DLG2: variants seen among roughly 807,000 people sequenced by gnomAD.
DLG2 encodes discs large MAGUK scaffold protein 2.
DLG2 carries 45 observed loss-of-function variants against 132.5 expected under a neutral mutation model. The ratio of observed to expected loss-of-function variants is 0.34; its 90% CI spans 0.27 to 0.44. The LOEUF (loss-of-function observed/expected upper bound fraction) is 0.44. Ranked by LOEUF, DLG2 falls within the 20% of genes least tolerant of loss-of-function variation. DLG2 has a pLI of 1.00. For synonymous variants in DLG2, 424 were observed against 419.6 expected, an observed-to-expected ratio of 1.01 and a Z score of -0.13; for missense variants, 1,045 against 1,196.9, an observed-to-expected ratio of 0.87 and a Z score of 1.87.
intron 4 of DLG2, among the ~76,000 whole-genome samples, chr11:85,267,104 A>C (rs2077260810): frequency 6.6e-6 from 1 of 152,140 alleles, no homozygotes; most frequent in Admixed American, 6.5e-5. Context: ...TCCCAATGTG[A>C]TGTTATTTAG....
At chr11:85,363,132 T>A (rs992526638) in intron 3 of DLG2, among the ~76,000 whole-genome samples, 2 of 152,188 alleles carry the variant, frequency 1.3e-5, no homozygotes, top group Non-Finnish European at 2.9e-5. Flanking sequence ...TACCAAATTA[T>A]CCACACAGTT....
intron 7 of DLG2, among the ~76,000 whole-genome samples, chr11:84,383,221 C>T (rs1031800651): frequency 6.6e-6 from 1 of 151,990 alleles, no homozygotes; most frequent in African/African-American, 2.4e-5. Context: ...CTATTATCTA[C>T]TCATAAATAT....
At chr11:85,592,065 T>G (rs2079391217) in intron 3 of DLG2, among the ~76,000 whole-genome samples, 1 of 152,230 alleles carries the variant, frequency 6.6e-6, no homozygotes, top group Non-Finnish European at 1.5e-5. Flanking sequence ...GCTTCTCCTA[T>G]GCCATTTTAG....
At chr11:84,694,929 T>C (rs2058458660) in intron 6 of DLG2, among the ~76,000 whole-genome samples, 1 of 151,612 alleles carries the variant, frequency 6.6e-6, no homozygotes, top group Non-Finnish European at 1.5e-5. Flanking sequence ...GTCTTCTGTA[T>C]GCAATTTATT....
At chr11:84,597,762 A>G (rs2099566694) in intron 6 of DLG2, among the ~76,000 whole-genome samples, 1 of 152,198 alleles carries the variant, frequency 6.6e-6, no homozygotes, top group Non-Finnish European at 1.5e-5. Flanking sequence ...TTACAGCATC[A>G]GTAAAAGTAG....
intron 19 of DLG2, among the ~76,000 whole-genome samples, chr11:83,568,099 AG>A (rs558527708): frequency 6.4e-4 from 97 of 152,310 alleles, no homozygotes; most frequent in African/African-American, 2.2e-3. Flanking sequence ...GGCAGGTGGC[AG>A]AGAACAAAAG....
upstream of DLG2, chr11:85,627,965 C>T (rs2082109257): frequency 6.5e-6 from 1 of 152,872 alleles, no homozygotes; most frequent in Non-Finnish European, 1.5e-5. Context: ...GTGCCCCCCA[C>T]CCCGAGACAC....
At chr11:85,242,980 C>A (rs952641741) in intron 4 of DLG2, among the ~76,000 whole-genome samples, 6 of 151,948 alleles carry the variant, frequency 3.9e-5, no homozygotes, top group Non-Finnish European at 7.4e-5. Flanking sequence ...AGTATAGCTG[C>A]CAATTACCAT....
chr11:84,907,828 T>A (rs1415763314), intron 6 of DLG2, among the ~76,000 whole-genome samples: 1 of 152,138 alleles, frequency 6.6e-6, no homozygotes, highest in Non-Finnish European at 1.5e-5. Flanking sequence ...TACATTTTAA[T>A]GGAAAAAGTG....
chr11:84,752,584 ATACTTT>A (rs1354450434), intron 6 of DLG2, among the ~76,000 whole-genome samples: 26 of 114,254 alleles, frequency 2.3e-4, no homozygotes, highest in Non-Finnish European at 4.5e-4. Flanking sequence ...TTTTTTTATT[ATACTTT>A]AAGTTTTAGG....
At chr11:84,151,343 G>A (rs2095287563) in intron 9 of DLG2, among the ~76,000 whole-genome samples, 1 of 152,130 alleles carries the variant, frequency 6.6e-6, no homozygotes, top group Non-Finnish European at 1.5e-5. Flanking sequence ...GTGTATAGAG[G>A]TGATCACAAC....
At chr11:84,120,772 A>G in intron 9 of DLG2, among the ~76,000 whole-genome samples, 1 of 152,242 alleles carries the variant, frequency 6.6e-6, no homozygotes, top group East Asian at 1.9e-4. Flanking sequence ...TGTAAGAAAG[A>G]GGCTAACATA....
chr11:84,512,734 A>G (rs796867014), intron 7 of DLG2, among the ~76,000 whole-genome samples: 2 of 149,584 alleles, frequency 1.3e-5, no homozygotes, highest in African/African-American at 4.9e-5. Context: ...AGTGCTGAGT[A>G]AAAAAAAAAG....
chr11:85,189,614 A>G (rs2080381681), intron 4 of DLG2, among the ~76,000 whole-genome samples: 1 of 152,208 alleles, frequency 6.6e-6, no homozygotes, highest in Admixed American at 6.5e-5. Context: ...GATTATAGAG[A>G]GTTAGCAAAA....
chr11:83,579,063 A>G (rs767387218), intron 19 of DLG2, among the ~76,000 whole-genome samples: 7 of 152,214 alleles, frequency 4.6e-5, no homozygotes, highest in Admixed American at 2.6e-4. Context: ...CCTTGCCTCA[A>G]CAATAACAGC....
intron 6 of DLG2, among the ~76,000 whole-genome samples, chr11:84,544,634 C>T (rs1487914938): frequency 1.3e-5 from 2 of 152,162 alleles, no homozygotes. Flanking sequence ...ATCTGGGAGA[C>T]ATCTATCACA....
At chr11:83,816,476 A>T (rs1217244802) in intron 17 of DLG2, among the ~76,000 whole-genome samples, 2 of 152,126 alleles carry the variant, frequency 1.3e-5, no homozygotes, top group Non-Finnish European at 2.9e-5. Context: ...TACTAGCTTA[A>T]TGCCTCTGAA....
chr11:85,438,432 T>G (rs927895980), intron 3 of DLG2, among the ~76,000 whole-genome samples: 1 of 152,236 alleles, frequency 6.6e-6, no homozygotes, highest in African/African-American at 2.4e-5. Flanking sequence ...AATTAAAATT[T>G]TTGTTAAGAT....
intron 6 of DLG2, among the ~76,000 whole-genome samples, chr11:84,801,980 A>C (rs1219945219): frequency 6.6e-6 from 1 of 152,144 alleles, no homozygotes; most frequent in Non-Finnish European, 1.5e-5. Context: ...AAAACTGACC[A>C]GTTTAAAAAT....
Sources: gnomAD v4.1 joint callset for allele counts (sites outside exome capture counted in the v4.1 genomes callset) on GRCh38, gnomAD v4.1.1 for gene constraint, MANE v1.5 for transcripts, NCBI Gene and HGNC (gene_info 2026-07-23, HGNC 2026-07-21) for gene names.